NRG1: variants seen among roughly 807,000 people sequenced by gnomAD.
The protein encoded by NRG1 is pro-neuregulin-1, membrane-bound isoform.
A neutral mutation model predicts 63.8 loss-of-function variants in NRG1; 18 were observed. The observed-to-expected ratio is 0.28, with a 90% CI of 0.19 to 0.42. NRG1 has a LOEUF of 0.42. Ranked by LOEUF, NRG1 falls within the 10% of genes least tolerant of loss-of-function variation. The probability of loss-of-function intolerance (pLI) is 1.00; values close to 1 mark genes in which losing one functional copy is unlikely to be tolerated. For synonymous variants in NRG1, 302 were observed against 301.3 expected, an observed-to-expected ratio of 1.00 and a Z score of -0.02; for missense variants, 762 against 814.7, an observed-to-expected ratio of 0.94 and a Z score of 0.79.
At chr8:32,553,635 T>C (rs1563631878) in intron 1 of NRG1, among the ~76,000 whole-genome samples, 1 of 152,164 alleles carries the variant, frequency 6.6e-6, no homozygotes, top group Non-Finnish European at 1.5e-5. Context: ...CTGGCAACAC[T>C]TAAGAGTTGA....
intron 1 of NRG1, among the ~76,000 whole-genome samples, chr8:32,044,327 G>C (rs1563718188): frequency 6.6e-6 from 1 of 151,834 alleles, no homozygotes; most frequent in East Asian, 1.9e-4. Flanking sequence ...AAAAATGAAA[G>C]GACAAACAGA....
intron 1 of NRG1, among the ~76,000 whole-genome samples, chr8:32,563,148 A>T (rs1206621251): frequency 1.3e-5 from 2 of 152,162 alleles, no homozygotes. Context: ...CCAGTTCATC[A>T]GCTGTCATTA....
chr8:31,877,014 G>A (rs1487276544), intron 1 of NRG1, among the ~76,000 whole-genome samples: 2 of 152,106 alleles, frequency 1.3e-5, no homozygotes, highest in Non-Finnish European at 2.9e-5. Context: ...GGAAAGAATA[G>A]CTGATTACCA....
At position 32,696,849 on chromosome 8, in the gene NRG1, C is replaced by T. The variant is rs945922405; in HGVS notation, c.503-31100C>T. ...CTAAGTTTTGTGTTTTTAGTAGAGA[C>T]GGGGTTTTACCCTGTTGCCAAGGCT... On this transcript the variant is annotated intron_variant, in intron 5 of 11. Coordinates refer to ENST00000356819, the Ensembl canonical transcript of NRG1. Among the ~76,000 whole-genome samples the T allele has an allele frequency of 6.6e-5, 10 of 151,486 alleles. No individual in the cohort carries two copies. The South Asian group carries it at 1.3e-3, about 19-fold the overall frequency.
chr8:32,480,671 G>C (rs1260996799), intron 1 of NRG1, among the ~76,000 whole-genome samples: 1 of 152,166 alleles, frequency 6.6e-6, no homozygotes, highest in Non-Finnish European at 1.5e-5. Flanking sequence ...TAAAGGTAGC[G>C]TGGTGCTAGC....
chr8:31,713,102 C>T (rs1309972363), intron 1 of NRG1, among the ~76,000 whole-genome samples: 1 of 149,802 alleles, frequency 6.7e-6, no homozygotes, highest in East Asian at 2.0e-4. Context: ...CTGCCATACT[C>T]CTTCTAATTT....
At chr8:31,803,562 A>G (rs1821994733) in intron 1 of NRG1, among the ~76,000 whole-genome samples, 1 of 152,200 alleles carries the variant, frequency 6.6e-6, no homozygotes, top group Admixed American at 6.5e-5. Flanking sequence ...CCACACTGCT[A>G]CCCACCAAAA....
intron 1 of NRG1, among the ~76,000 whole-genome samples, chr8:32,457,719 C>G (rs1399702126): frequency 6.6e-6 from 1 of 152,098 alleles, no homozygotes; most frequent in African/African-American, 2.4e-5. Context: ...CATTAAATTT[C>G]AAGAGGACTT....
intron 1 of NRG1, among the ~76,000 whole-genome samples, chr8:32,468,825 G>A (rs757532674): frequency 2.6e-5 from 4 of 151,296 alleles, no homozygotes; most frequent in African/African-American, 9.7e-5. Context: ...TAGCCACTTC[G>A]GTTTTGGAAG....
At chr8:32,524,902 T>G (rs1830675419) in intron 1 of NRG1, among the ~76,000 whole-genome samples, 1 of 152,226 alleles carries the variant, frequency 6.6e-6, no homozygotes, top group Admixed American at 6.5e-5. Flanking sequence ...TGATTTACCC[T>G]ACACAGCCCT....
At chr8:31,703,217 G>T (rs1810802869) in intron 1 of NRG1, among the ~76,000 whole-genome samples, 1 of 151,364 alleles carries the variant, frequency 6.6e-6, no homozygotes, top group South Asian at 2.1e-4. Flanking sequence ...TAAAGTGTCT[G>T]CTGTAATTTT....
In NRG1 at chr8:31,640,423, C is replaced by A; in HGVS notation, c.37+992C>A. 1.3e-6 allele frequency: 2 copies of A among 1,501,480 alleles called. No homozygotes were observed. Among genetic ancestry groups the A allele is most frequent in the Non-Finnish European group, 1.8e-6 (2 of 1,124,496 alleles). 93.0% of individuals were successfully genotyped at this position (1,501,480 alleles called of 1,614,324 possible). ...GACCGTGCCCTCTTGGCCCACCGCCCCGGTGCCCAGCGCCGGCGAGCCCGG... is the reference window on the plus strand; with the variant it reads ...GACCGTGCCCTCTTGGCCCACCGCCACGGTGCCCAGCGCCGGCGAGCCCGG... On this transcript the variant is annotated intron_variant, in intron 1 of 10. Transcript: ENST00000519301. This position sits in a 1 kb window ranked among gnomAD's most constrained non-coding sequence, Gnocchi z 6.3.
At chr8:32,297,100 T>A (rs1854984400) in intron 1 of NRG1, among the ~76,000 whole-genome samples, 1 of 152,080 alleles carries the variant, frequency 6.6e-6, no homozygotes. Context: ...GGTGACAGAA[T>A]GAGACGCTGT....
intron 1 of NRG1, among the ~76,000 whole-genome samples, chr8:31,848,925 A>G (rs1453612217): frequency 6.6e-6 from 1 of 152,208 alleles, no homozygotes; most frequent in African/African-American, 2.4e-5. Context: ...CACTTAAATC[A>G]TCTCCAAACC....
chr8:32,766,876 T>G (rs1425199809), exon 12 of NRG1: 2 of 152,146 alleles, frequency 1.3e-5, no homozygotes, highest in Admixed American at 6.6e-5. Flanking sequence ...ATCTCTGTGA[T>G]GCTTGTCACA....
chr8:32,078,787 T>A (rs2131125350), intron 1 of NRG1, among the ~76,000 whole-genome samples: 1 of 152,316 alleles, frequency 6.6e-6, no homozygotes, highest in Admixed American at 6.5e-5. Flanking sequence ...ACCTCCCTCC[T>A]GTTTAGTTCC....
intron 1 of NRG1, among the ~76,000 whole-genome samples, chr8:32,175,606 C>G (rs1351399190): frequency 6.6e-6 from 1 of 152,188 alleles, no homozygotes; most frequent in East Asian, 1.9e-4. Flanking sequence ...CCAAAATCTC[C>G]TTAAGCTGAT....
intron 1 of NRG1, among the ~76,000 whole-genome samples, chr8:31,850,807 A>G (rs1827137876): frequency 6.6e-6 from 1 of 152,172 alleles, no homozygotes; most frequent in South Asian, 2.1e-4. Flanking sequence ...CCGTTTGCTT[A>G]TCACCCACTC....
chr8:31,697,846 T>A (rs1030763095), intron 1 of NRG1, among the ~76,000 whole-genome samples: 5 of 152,006 alleles, frequency 3.3e-5, no homozygotes, highest in South Asian at 2.1e-4. Flanking sequence ...TACATTTTTC[T>A]TTTCTTTTCT....
Sources: allele counts gnomAD v4.1 joint callset (sites outside exome capture counted in the v4.1 genomes callset), GRCh38; gene constraint gnomAD v4.1.1; non-coding constraint Gnocchi (gnomAD v3.1); transcripts MANE v1.5; gene names NCBI Gene and HGNC (gene_info 2026-07-23, HGNC 2026-07-21).